Variants in KIRREL3 observed in about 807,000 individuals in gnomAD.
KIRREL3 encodes kirre like nephrin family adhesion molecule 3, also known as kin of IRRE-like protein 3.
KIRREL3 carries 36 observed loss-of-function variants against 89.7 expected under a neutral mutation model. The ratio of observed to expected loss-of-function variants is 0.40; its 90% CI spans 0.31 to 0.53. KIRREL3 has a LOEUF of 0.53. Among genes scored for constraint, KIRREL3 ranks in the 20% least tolerant of loss-of-function variants. The probability of loss-of-function intolerance (pLI) is 0.49; values close to 1 mark genes in which losing one functional copy is unlikely to be tolerated. For missense variants in KIRREL3, 864 were observed against 1,056.6 expected (o/e 0.82, Z 2.53); for synonymous variants, 445 against 441.4 (o/e 1.01, Z -0.10).
rs773813451 is a variant in KIRREL3 at position 126,429,199 on chromosome 11, A to G, written c.1786T>C (p.Ser596Pro). 2.0e-5 allele frequency: 32 copies of G among 1,612,352 alleles called. No individual in the cohort carries two copies. In the Admixed American group the frequency reaches 5.3e-4, roughly 27 times the overall value. Residue 596 changes from serine (S) to proline (P), a missense_variant, in exon 15 of 17, where the codon TCC becomes CCC. Physicochemically the swap from Ser to Pro is moderately conservative, Grantham distance 74. Transcript: ENST00000525144. The surrounding 1 kb of genome is among the most constrained non-coding windows in gnomAD (Gnocchi z 5.2). ...PASGREGEEH[S>P]TIKQLMMDRG... Reference sequence around the variant, plus strand: ...CTTACCATCAGCTGCTTGATGGTGGAGTGCTCCTCACCCTCCCGACCAGAG... The same window carrying G: ...CTTACCATCAGCTGCTTGATGGTGGGGTGCTCCTCACCCTCCCGACCAGAG...
At chr11:126,856,902 T>C (rs1409436904) in intron 1 of KIRREL3, among the ~76,000 whole-genome samples, 11 of 152,156 alleles carry the variant, frequency 7.2e-5, no homozygotes, top group Admixed American at 7.2e-4. Flanking sequence ...CCATATTTTG[T>C]ATTTTTATGA....
rs1184032870 is a variant in KIRREL3 at position 126,940,382 on chromosome 11, G to T, written c.55+60073C>A. ...TAATTACGCCAGTAGATTTACTTTT[G>T]CTATGCCGCCCTAGATTATGAAAAA... On this transcript the variant is annotated intron_variant, in intron 1 of 16. Transcript: ENST00000525144. The surrounding 1 kb of genome is among the most constrained non-coding windows in gnomAD (Gnocchi z 4.6). The T allele has an allele frequency of 7.1e-6, 1 of 140,924 alleles. No individual in the cohort carries two copies. 8.7% of individuals were successfully genotyped at this position (140,924 alleles called of 1,614,324 possible). A position where few individuals can be genotyped will look rare whatever the true frequency, so the allele number is the denominator to read the frequency against.
chr11:126,679,306 T>C (rs1946346267), intron 1 of KIRREL3, among the ~76,000 whole-genome samples: 2 of 152,226 alleles, frequency 1.3e-5, no homozygotes, highest in Admixed American at 6.5e-5. Context: ...TATAGCCTTG[T>C]GGTTGAAGCC....
intron 9 of KIRREL3, among the ~76,000 whole-genome samples, chr11:126,445,963 A>G (rs1408752438): frequency 6.6e-6 from 1 of 152,162 alleles, no homozygotes; most frequent in Non-Finnish European, 1.5e-5. Flanking sequence ...AGTGTGACCA[A>G]CATGGAGAAA....
intron 1 of KIRREL3, among the ~76,000 whole-genome samples, chr11:126,667,169 T>TA (rs963558215): frequency 1.1e-4 from 16 of 151,994 alleles, no homozygotes; most frequent in African/African-American, 3.4e-4. Flanking sequence ...TTACAGGAAA[T>TA]AAAAAAAGAA....
chr11:126,850,187 T>A (rs4590881), intron 1 of KIRREL3, among the ~76,000 whole-genome samples: 1 of 151,692 alleles, frequency 6.6e-6, no homozygotes, highest in Non-Finnish European at 1.5e-5. Context: ...CAGAGCACTT[T>A]GGAATTTCCA....
intron 1 of KIRREL3, among the ~76,000 whole-genome samples, chr11:126,932,518 G>A (rs370059194): frequency 1.6e-4 from 25 of 151,800 alleles, no homozygotes; most frequent in East Asian, 1.2e-3. Flanking sequence ...CATTAGTATC[G>A]TTATGAAGGT....
chr11:126,537,973 A>G lies in KIRREL3; in HGVS notation c.134-11286T>C, dbSNP rs1938044854. On this transcript the variant is annotated intron_variant, in intron 2 of 16. Transcript: ENST00000525144. This position sits in a 1 kb window ranked among gnomAD's most constrained non-coding sequence, Gnocchi z 4.3. ...ATGCTGCATGGGTGGTGCAGGAGAC[A>G]GTGGGTGAGCCCTCCCATTGGCTCT... Among the ~76,000 whole-genome samples, 1 of 151,714 alleles carries G rather than the reference A, an allele frequency of 6.6e-6. No individual in the cohort carries two copies. The highest frequency in any genetic ancestry group is 6.6e-5 in the Admixed American group (1 of 15,230).
Position 126,876,709 on chromosome 11 carries a change from T to C in KIRREL3, c.55+123746A>G, listed in dbSNP as rs2134692282. Among the ~76,000 whole-genome samples the C allele has an allele frequency of 6.6e-6, 1 of 152,142 alleles. No individual in the cohort carries two copies. Among genetic ancestry groups the C allele is most frequent in the South Asian group, 2.1e-4 (1 of 4,810 alleles). On this transcript the variant is annotated intron_variant, in intron 1 of 16. Coordinates refer to ENST00000525144, the MANE Select transcript of KIRREL3 (RefSeq NM_032531.4). The surrounding 1 kb of genome is among the most constrained non-coding windows in gnomAD (Gnocchi z 4.1). ...CCTGCCACCATGCCCAGCTAATTTTTTTGTATTTTTAGTAGAGATGGGGTT... is the reference window on the plus strand; with the variant it reads ...CCTGCCACCATGCCCAGCTAATTTTCTTGTATTTTTAGTAGAGATGGGGTT...
intron 5 of KIRREL3, among the ~76,000 whole-genome samples, chr11:126,472,680 C>T (rs915547746): frequency 7.6e-6 from 1 of 130,880 alleles, no homozygotes; most frequent in African/African-American, 2.9e-5. Flanking sequence ...GGGTCTTCCC[C>T]AGCAGTTACC....
intron 1 of KIRREL3, among the ~76,000 whole-genome samples, chr11:126,923,129 C>CTCTTCTTCTTCT (rs1187627189): frequency 0.027 from 691 of 25,734 alleles, 144 homozygotes; most frequent in South Asian, 0.033. Flanking sequence ...TCTCCTTCTT[C>CTCTTCTTCTTCT]TCTTCTTCTT....
chr11:126,698,453 A>C (rs749007230), intron 1 of KIRREL3, among the ~76,000 whole-genome samples: 1 of 152,216 alleles, frequency 6.6e-6, no homozygotes, highest in East Asian at 1.9e-4. Context: ...GGGTGTTCTC[A>C]TCTGCCGGCT....
At position 126,676,286 on chromosome 11, in the gene KIRREL3, G is replaced by T. The variant is rs954889904; in HGVS notation, c.56-113374C>A. Among the ~76,000 whole-genome samples the T allele has an allele frequency of 6.6e-6, 1 of 152,126 alleles. No homozygotes were observed. Among genetic ancestry groups the T allele is most frequent in the African/African-American group, 2.4e-5 (1 of 41,420 alleles). Reference sequence around the variant, plus strand: ...AACCATCAGGAGGGAAACACTCAGGGCCAGGCCGAGGCAGAGAAGCTTCTG... The same window carrying T: ...AACCATCAGGAGGGAAACACTCAGGTCCAGGCCGAGGCAGAGAAGCTTCTG... On this transcript the variant is annotated intron_variant, in intron 1 of 16. Coordinates refer to ENST00000525144, the MANE Select transcript of KIRREL3 (RefSeq NM_032531.4). This position sits in a 1 kb window ranked among gnomAD's most constrained non-coding sequence, Gnocchi z 4.5.
intron 1 of KIRREL3, among the ~76,000 whole-genome samples, chr11:126,923,212 TC>T (rs1947490961): frequency 2.6e-4 from 4 of 15,516 alleles, no homozygotes; most frequent in Admixed American, 5.7e-4. Flanking sequence ...TTCTTCTTCT[TC>T]TTCTTCTTCT....
At chr11:126,654,917 AC>A (rs1215346042) in intron 1 of KIRREL3, among the ~76,000 whole-genome samples, 1 of 152,118 alleles carries the variant, frequency 6.6e-6, no homozygotes, top group East Asian at 1.9e-4. Flanking sequence ...TCTGCAGAGG[AC>A]CATTCATTCA....
At chr11:126,889,529 T>C (rs1033599645) in intron 1 of KIRREL3, among the ~76,000 whole-genome samples, 13 of 152,174 alleles carry the variant, frequency 8.5e-5, no homozygotes, top group Non-Finnish European at 1.9e-4. Context: ...AAAAAGTCAA[T>C]TCCCTCTTCT....
chr11:126,504,840 G>T (rs1420995232), intron 4 of KIRREL3, among the ~76,000 whole-genome samples: 2 of 152,144 alleles, frequency 1.3e-5, no homozygotes, highest in Admixed American at 1.3e-4. Flanking sequence ...GGAATTCAAG[G>T]TTGGCTTAAC....
rs11387162 is a variant in KIRREL3 at position 126,771,255 on chromosome 11, G to GT, written c.56-208344dup. On this transcript the variant is annotated intron_variant, in intron 1 of 16. Coordinates refer to ENST00000525144, the MANE Select transcript of KIRREL3 (RefSeq NM_032531.4). This position sits in a 1 kb window ranked among gnomAD's most constrained non-coding sequence, Gnocchi z 4.4. ...AGGAAGGGAATTTTATTCCCTTACT[G>GT]TTTTTTTTTTTAAACAGATGAGGAA... is the stretch of plus-strand genomic sequence containing the variant. Among the ~76,000 whole-genome samples, 19,903 of 147,632 alleles carry GT rather than the reference G, an allele frequency of 0.13. 1,710 individuals carry two copies. The highest frequency in any genetic ancestry group is 0.24 in the African/African-American group (9,855 of 40,440).
Position 126,891,241 on chromosome 11 carries a change from T to A in KIRREL3, c.55+109214A>T, listed in dbSNP as rs1363924526. On this transcript the variant is annotated intron_variant, in intron 1 of 16. Transcript: ENST00000525144. This position sits in a 1 kb window ranked among gnomAD's most constrained non-coding sequence, Gnocchi z 5.1. Reference sequence around the variant, plus strand: ...GATTAGGAAATAGCATGGCTCTCTATCTTCTCATGCCTTAGAACTTTATTC... The same window carrying A: ...GATTAGGAAATAGCATGGCTCTCTAACTTCTCATGCCTTAGAACTTTATTC... 6.6e-6 allele frequency among the ~76,000 whole-genome samples: 1 copy of A among 152,240 alleles called. No homozygotes were observed. Among genetic ancestry groups the A allele is most frequent in the African/African-American group, 2.4e-5 (1 of 41,460 alleles).
Sources: allele counts gnomAD v4.1 joint callset (sites outside exome capture counted in the v4.1 genomes callset), GRCh38; gene constraint gnomAD v4.1.1; non-coding constraint Gnocchi (gnomAD v3.1); transcripts MANE v1.5; gene names NCBI Gene and HGNC (gene_info 2026-07-23, HGNC 2026-07-21).